PDS5B: variants seen among roughly 807,000 people sequenced by gnomAD.
The protein encoded by PDS5B is PDS5 cohesin associated factor B.
PDS5B carries 51 observed loss-of-function variants against 184.1 expected under a neutral mutation model. The observed-to-expected ratio is 0.28, with a 90% CI of 0.22 to 0.35. PDS5B has a LOEUF of 0.35. PDS5B is among the 10% of genes least tolerant of loss of function. PDS5B has a pLI of 1.00. For missense variants in PDS5B, 1,180 were observed against 1,723.3 expected, an observed-to-expected ratio of 0.68 and a Z score of 5.58; for synonymous variants, 566 against 569.2, an observed-to-expected ratio of 0.99 and a Z score of 0.08.
intron 8 of PDS5B, among the ~76,000 whole-genome samples, chr13:32,674,921 G>GTT (rs113519972): frequency 1.5e-5 from 2 of 137,408 alleles, no homozygotes; most frequent in Admixed American, 7.3e-5. Context: ...GGGAATAGAG[G>GTT]TTTTTTTTTT....
At chr13:32,693,644 ATTAT>A (rs1372939570) in intron 13 of PDS5B, among the ~76,000 whole-genome samples, 1 of 150,148 alleles carries the variant, frequency 6.7e-6, no homozygotes, top group African/African-American at 2.4e-5. Flanking sequence ...TGTTTCATTA[ATTAT>A]TCTCTATATG....
At chr13:32,668,224 A>G (rs950593125) in intron 7 of PDS5B, among the ~76,000 whole-genome samples, 1 of 152,168 alleles carries the variant, frequency 6.6e-6, no homozygotes, top group Admixed American at 6.5e-5. Flanking sequence ...ATTGATTTGT[A>G]CAAGAAGAAG....
chr13:32,643,104 T>A (rs975096720), intron 1 of PDS5B, among the ~76,000 whole-genome samples: 1 of 152,162 alleles, frequency 6.6e-6, no homozygotes, highest in Non-Finnish European at 1.5e-5. Flanking sequence ...TTTGTTTTTA[T>A]GAATCATGAA....
At chr13:32,691,906 A>G (rs1248149857) in intron 13 of PDS5B, among the ~76,000 whole-genome samples, 1 of 152,008 alleles carries the variant, frequency 6.6e-6, no homozygotes, top group Non-Finnish European at 1.5e-5. Context: ...TCTTATCTTT[A>G]ATTTTCCTGA....
chr13:32,648,702 A>G, intron 1 of PDS5B, 52 bp from the exon 2 acceptor site: 1 of 746,224 alleles, frequency 1.3e-6, no homozygotes, highest in East Asian at 2.5e-5. Flanking sequence ...ATGTTTGTTA[A>G]GAATGTTTAT....
chr13:32,654,507 CT>C (rs1343778415), intron 3 of PDS5B, among the ~76,000 whole-genome samples: 1 of 152,036 alleles, frequency 6.6e-6, no homozygotes. Flanking sequence ...ATCAAAGTAA[CT>C]TTTTTTGTTT....
chr13:32,626,725 A>G (rs2058376502), intron 1 of PDS5B, among the ~76,000 whole-genome samples: 1 of 152,150 alleles, frequency 6.6e-6, no homozygotes, highest in Non-Finnish European at 1.5e-5. Flanking sequence ...GACATTCCCA[A>G]ATGTTCTGTT....
At chr13:32,655,371 TA>T (rs1566290561) in intron 3 of PDS5B, among the ~76,000 whole-genome samples, 2 of 41,094 alleles carry the variant, frequency 4.9e-5, no homozygotes, top group African/African-American at 1.8e-4. Flanking sequence ...TATATATATA[TA>T]TATTTTTTTT....
intron 20 of PDS5B, 34 bp downstream of exon 20, chr13:32,732,258 A>G (rs1458607003): frequency 1.4e-6 from 2 of 1,460,556 alleles, no homozygotes; most frequent in Non-Finnish European, 1.9e-6. Context: ...TTTATTTCAT[A>G]TGTCATAGTT....
intron 1 of PDS5B, among the ~76,000 whole-genome samples, chr13:32,615,627 GTCA>G (rs1335627990): frequency 3.3e-5 from 5 of 152,084 alleles, no homozygotes; most frequent in African/African-American, 1.2e-4. Context: ...TGAACTTCTA[GTCA>G]TCATGGTGTA....
chr13:32,712,498 T>C (rs1226237387), intron 19 of PDS5B, among the ~76,000 whole-genome samples: 2 of 152,194 alleles, frequency 1.3e-5, no homozygotes, highest in African/African-American at 4.8e-5. Flanking sequence ...GTTAAGAGAA[T>C]GTTGATTAAA....
At chr13:32,756,568 A>T (rs1320021310) in intron 26 of PDS5B, among the ~76,000 whole-genome samples, 1 of 152,206 alleles carries the variant, frequency 6.6e-6, no homozygotes, top group South Asian at 2.1e-4. Context: ...GACCAGCATA[A>T]TTCTTTAAAT....
chr13:32,653,822 C>T (rs140108531), intron 3 of PDS5B, among the ~76,000 whole-genome samples: 1 of 152,236 alleles, frequency 6.6e-6, no homozygotes, highest in African/African-American at 2.4e-5. Context: ...GTGGCTCTCC[C>T]GTACTAGATG....
At chr13:32,654,290 A>G (rs957353581) in intron 3 of PDS5B, among the ~76,000 whole-genome samples, 2 of 152,166 alleles carry the variant, frequency 1.3e-5, no homozygotes, top group Admixed American at 6.5e-5. Context: ...AAATTGTGAT[A>G]TTTGAGCCTT....
At chr13:32,670,472 C>T (rs536271515) in intron 7 of PDS5B, among the ~76,000 whole-genome samples, 1 of 152,276 alleles carries the variant, frequency 6.6e-6, no homozygotes, top group South Asian at 2.1e-4. Context: ...AAGCAGTCCG[C>T]CTGCCTTGGC....
chr13:32,685,442 T>C (rs1945694759), intron 11 of PDS5B, among the ~76,000 whole-genome samples: 2 of 152,224 alleles, frequency 1.3e-5, no homozygotes, highest in African/African-American at 4.8e-5. Context: ...GGGATCATAA[T>C]GTATATTTTT....
intron 19 of PDS5B, among the ~76,000 whole-genome samples, chr13:32,729,085 C>T (rs1953011074): frequency 6.6e-6 from 1 of 152,090 alleles, no homozygotes; most frequent in Admixed American, 6.5e-5. Context: ...TCCTAATGCT[C>T]TCCCTCCCCT....
At chr13:32,742,024 C>G (rs940206413) in intron 22 of PDS5B, among the ~76,000 whole-genome samples, 11 of 152,022 alleles carry the variant, frequency 7.2e-5, no homozygotes, top group African/African-American at 2.7e-4. Flanking sequence ...CCGTCTTTGC[C>G]GTGAGCCAGA....
intron 1 of PDS5B, among the ~76,000 whole-genome samples, chr13:32,608,331 T>C (rs570797581): frequency 6.6e-6 from 1 of 152,276 alleles, no homozygotes; most frequent in South Asian, 2.1e-4. Flanking sequence ...GTTGGGGTTA[T>C]ATGAGGTAGA....
Sources: gnomAD v4.1 joint callset for allele counts (sites outside exome capture counted in the v4.1 genomes callset) on GRCh38, gnomAD v4.1.1 for gene constraint, MANE v1.5 for transcripts, NCBI Gene and HGNC (gene_info 2026-07-23, HGNC 2026-07-21) for gene names.